LGI2: variants seen among roughly 807,000 people sequenced by gnomAD.
The protein encoded by LGI2 is leucine-rich repeat LGI family member 2.
A neutral mutation model predicts 52.0 loss-of-function variants in LGI2; 30 were observed. The observed-to-expected ratio is 0.58, with a 90% CI of 0.43 to 0.78. The LOEUF (loss-of-function observed/expected upper bound fraction) is 0.78, where lower values mean the gene tolerates loss of function less well. Among genes scored for constraint, LGI2 ranks in the 30% least tolerant of loss-of-function variants. The pLI, the probability that LGI2 is intolerant of heterozygous loss-of-function variation, is 0.00. For missense variants in LGI2, 573 were observed against 692.5 expected, an observed-to-expected ratio of 0.83 and a Z score of 1.94; for synonymous variants, 270 against 271.8, an observed-to-expected ratio of 0.99 and a Z score of 0.06.
downstream of LGI2, among the ~76,000 whole-genome samples, chr4:24,994,785 G>A (rs933127456): frequency 1.3e-5 from 2 of 152,082 alleles, no homozygotes; most frequent in African/African-American, 4.8e-5. Context: ...CAGAGAATCG[G>A]GGCTTGTGAC....
intron 7 of LGI2, among the ~76,000 whole-genome samples, chr4:25,009,724 C>T (rs1725515820): frequency 6.6e-6 from 1 of 152,046 alleles, no homozygotes; most frequent in Non-Finnish European, 1.5e-5. Context: ...CAACCTCCGC[C>T]TCCCGGGTTC....
At chr4:25,017,874 A>G in intron 6 of LGI2, 115 bp downstream of exon 6, 2 of 937,628 alleles carry the variant, frequency 2.1e-6, no homozygotes, top group Non-Finnish European at 2.9e-6. Context: ...TTTCTCTAAA[A>G]CAATTTTGAT....
Position 25,004,493 on chromosome 4 carries a change from T to G in LGI2, c.821-225A>C, listed in dbSNP as rs569536389. 3.3e-5 allele frequency among the ~76,000 whole-genome samples: 5 copies of G among 152,306 alleles called. No homozygotes were observed. The highest frequency in any genetic ancestry group is 7.3e-5 in the Non-Finnish European group (5 of 68,038). ...TTGAAAGCAGTGACTCAAAGAGATA[T>G]CTGTACACCTAATGCTATAGACCAA... On this transcript the variant is annotated intron_variant, in intron 7 of 7. Transcript: ENST00000382114. This position sits in a 1 kb window ranked among gnomAD's most constrained non-coding sequence, Gnocchi z 4.6.
At chr4:25,015,639 C>T (rs867117702) in intron 6 of LGI2, among the ~76,000 whole-genome samples, 7 of 152,160 alleles carry the variant, frequency 4.6e-5, no homozygotes, top group Admixed American at 2.6e-4. Context: ...GGCAAGAATA[C>T]GATCACTGTA....
At position 25,003,324 on chromosome 4, in the gene LGI2, A is replaced by G. The variant is rs557046448; in HGVS notation, c.*127T>C. 4.4e-6 allele frequency: 3 copies of G among 685,822 alleles called. No individual in the cohort carries two copies. In the African/African-American group the frequency reaches 5.5e-5, roughly 13 times the overall value. The allele number at this position is 685,822 out of a possible 1,614,324, so 42.5% of individuals were successfully genotyped here. A position where few individuals can be genotyped will look rare whatever the true frequency, so the allele number is the denominator to read the frequency against. ...ATGTGAGTTCTAAAAGTTTGAAAACATCTAACTATTTCAGTGCTTTTTAAT... is the reference window on the plus strand; with the variant it reads ...ATGTGAGTTCTAAAAGTTTGAAAACGTCTAACTATTTCAGTGCTTTTTAAT... On this transcript the variant is annotated 3_prime_UTR_variant, in exon 8 of 8. Transcript: ENST00000382114.
intron 3 of LGI2, among the ~76,000 whole-genome samples, 200 bp from the exon 4 acceptor site, chr4:25,025,091 G>A (rs1290098265): frequency 6.6e-6 from 1 of 152,212 alleles, no homozygotes; most frequent in Non-Finnish European, 1.5e-5. Flanking sequence ...TGTGTGGTCT[G>A]CACTCCTTCC....
chr4:25,012,340 ATGT>A lies in LGI2; in HGVS notation c.812_814del (p.Asn271del). The A allele has an allele frequency of 6.2e-7, 1 of 1,614,120 alleles. No individual in the cohort carries two copies. Among genetic ancestry groups the A allele is most frequent in the East Asian group, 2.2e-5 (1 of 44,904 alleles). On this transcript the variant is annotated inframe_deletion, in exon 7 of 8. Coordinates refer to ENST00000382114, the MANE Select transcript of LGI2 (RefSeq NM_018176.4). ...TGATCAAAGCCACAACACACCTGTA[ATGT>A]TGTCATAGCTCCGGAAATTCATTTC...
chr4:25,019,284 C>T, intron 4 of LGI2, 46 bp from the exon 5 acceptor site: 1 of 1,262,804 alleles, frequency 7.9e-7, no homozygotes, highest in Non-Finnish European at 1.1e-6. Flanking sequence ...ATCTCATGCC[C>T]TGTCACTCTC....
chr4:24,995,412 T>G (rs1298155461), downstream of LGI2, among the ~76,000 whole-genome samples: 1 of 152,218 alleles, frequency 6.6e-6, no homozygotes, highest in Non-Finnish European at 1.5e-5. Flanking sequence ...GTGGTGTAAG[T>G]TTCTCAGGAA....
chr4:25,020,152 C>T (rs955978532), intron 4 of LGI2, among the ~76,000 whole-genome samples: 2 of 152,188 alleles, frequency 1.3e-5, no homozygotes, highest in Non-Finnish European at 2.9e-5. Flanking sequence ...TTAAGAATAA[C>T]ATAATAAAAT....
chr4:25,009,363 G>A (rs566890421), intron 7 of LGI2, among the ~76,000 whole-genome samples: 4 of 152,122 alleles, frequency 2.6e-5, no homozygotes, highest in South Asian at 2.1e-4. Context: ...CTCTCCATGC[G>A]AACCAATCCC....
chr4:25,030,416 C>T, intron 1 of LGI2, 81 bp downstream of exon 1: 1 of 1,465,740 alleles, frequency 6.8e-7, no homozygotes, highest in Non-Finnish European at 9.3e-7. Flanking sequence ...TCGCGCTGGC[C>T]CGGCGCCAGA....
rs1416311779 is a variant in LGI2, at chr4:25,000,560, A to G, written c.*2891T>C. ...GTTATTTTTAGAGTCTTGATAATAG[A>G]CCCATTCCCGACCCCATGGAGTATG... On this transcript the variant is annotated 3_prime_UTR_variant, in exon 8 of 8. Transcript: ENST00000382114. 1 of 152,248 alleles carries G rather than the reference A, an allele frequency of 6.6e-6. No homozygotes were observed. Among genetic ancestry groups the G allele is most frequent in the Non-Finnish European group, 1.5e-5 (1 of 68,074 alleles). The allele number at this position is 152,248 out of a possible 1,614,324, so 9.4% of individuals were successfully genotyped here. A position where few individuals can be genotyped will look rare whatever the true frequency, so the allele number is the denominator to read the frequency against.
intron 6 of LGI2, among the ~76,000 whole-genome samples, chr4:25,014,513 G>A (rs1051777438): frequency 2.6e-5 from 3 of 116,052 alleles, no homozygotes; most frequent in Admixed American, 1.2e-4. Context: ...GGAGGAAGAA[G>A]AGGAAGAGAA....
chr4:25,008,768 G>A (rs1326150178), intron 7 of LGI2, among the ~76,000 whole-genome samples: 1 of 152,156 alleles, frequency 6.6e-6, no homozygotes, highest in Non-Finnish European at 1.5e-5. Flanking sequence ...CATTTCTTAG[G>A]CTTGGTGGTA....
downstream of LGI2, among the ~76,000 whole-genome samples, chr4:24,998,166 G>A (rs1392966356): frequency 7.9e-5 from 12 of 152,146 alleles, no homozygotes; most frequent in Admixed American, 3.3e-4. Context: ...TTGAGCCACC[G>A]TGCTTGGACT....
Position 25,026,777 on chromosome 4 carries a change from C to T in LGI2, c.341+91G>A, listed in dbSNP as rs943804585. On this transcript the variant is annotated intron_variant, in intron 3 of 7. Transcript: ENST00000382114. ...TCTCCAGTTTCTCCACCCCTAAACC[C>T]TTGCAGAGATGCTGTTCCAGCACAG... The T allele has an allele frequency of 9.0e-6, 9 of 1,005,086 alleles. No individual in the cohort carries two copies. In the African/African-American group the frequency reaches 1.3e-4, roughly 14 times the overall value. 62.3% of individuals were successfully genotyped at this position (1,005,086 alleles called of 1,614,324 possible).
chr4:25,015,825 G>A (rs552879330), intron 6 of LGI2, among the ~76,000 whole-genome samples: 1 of 152,194 alleles, frequency 6.6e-6, no homozygotes, highest in Non-Finnish European at 1.5e-5. Flanking sequence ...CTTACACAGC[G>A]GGGCCTATGT....
chr4:25,025,842 T>C (rs1726128501), intron 3 of LGI2, among the ~76,000 whole-genome samples: 1 of 152,140 alleles, frequency 6.6e-6, no homozygotes, highest in Non-Finnish European at 1.5e-5. Context: ...GCTAACTTCC[T>C]CTCCAATAAC....
Sources: gnomAD v4.1 joint callset for allele counts (sites outside exome capture counted in the v4.1 genomes callset) on GRCh38, gnomAD v4.1.1 for gene constraint, Gnocchi (gnomAD v3.1) non-coding constraint, MANE v1.5 for transcripts, NCBI Gene and HGNC (gene_info 2026-07-23, HGNC 2026-07-21) for gene names.